Variants in CFHR5 observed in about 807,000 individuals in gnomAD.
The protein encoded by CFHR5 is complement factor H-related protein 5.
A neutral mutation model predicts 62.9 loss-of-function variants in CFHR5; 73 were observed. That is an observed-to-expected ratio of 1.16 (90% CI 0.96 to 1.41). CFHR5 has a LOEUF of 1.41. CFHR5 is among the 40% of genes most tolerant of loss of function. The pLI is 0.00. For synonymous variants in CFHR5, 249 were observed against 227.2 expected (o/e 1.10, Z -0.86); for missense variants, 779 against 679.9 (o/e 1.15, Z -1.62).
intron 7 of CFHR5, among the ~76,000 whole-genome samples, chr1:197,000,317 G>T (rs1055126318): frequency 3.9e-5 from 6 of 152,014 alleles, no homozygotes; most frequent in Non-Finnish European, 1.5e-5. Flanking sequence ...CTCATTTTAT[G>T]CATCAGAAAT....
At chr1:196,996,000 T>G (rs1352648185) in intron 5 of CFHR5, 22 bp from the exon 6 acceptor site, 6 of 1,611,066 alleles carry the variant, frequency 3.7e-6, no homozygotes, top group Non-Finnish European at 5.1e-6. Flanking sequence ...GAGTAAGCAC[T>G]CATTTTATTA....
At chr1:197,004,579 T>G (rs905721897) in intron 8 of CFHR5, 82 bp from the exon 9 acceptor site, 15 of 1,106,426 alleles carry the variant, frequency 1.4e-5, no homozygotes, top group Non-Finnish European at 1.9e-5. Flanking sequence ...CACCTTATAT[T>G]AAAGATATGA....
At chr1:196,992,084 G>T (rs978590315) in intron 3 of CFHR5, among the ~76,000 whole-genome samples, 1 of 152,180 alleles carries the variant, frequency 6.6e-6, no homozygotes. Flanking sequence ...ACCTACTCAA[G>T]CCTCAGCATT....
intron 3 of CFHR5, among the ~76,000 whole-genome samples, chr1:196,987,398 G>A (rs548963190): frequency 1.3e-5 from 2 of 152,022 alleles, no homozygotes; most frequent in African/African-American, 2.4e-5. Context: ...GGCTTTTGTT[G>A]CCATTGCTTT....
At chr1:196,981,632 T>A (rs1015491756) in intron 1 of CFHR5, among the ~76,000 whole-genome samples, 1 of 151,992 alleles carries the variant, frequency 6.6e-6, no homozygotes, top group Non-Finnish European at 1.5e-5. Context: ...TATAAATATA[T>A]CCAGTAGTAT....
In CFHR5 at chr1:197,009,046, T is replaced by C; in HGVS notation, c.*363T>C. Reference sequence around the variant, plus strand: ...TAATATGCTGGAAGGCATCACAACATGGTGGAAGGGATCACGTGGCAAAAG... The same window carrying C: ...TAATATGCTGGAAGGCATCACAACACGGTGGAAGGGATCACGTGGCAAAAG... On this transcript the variant is annotated 3_prime_UTR_variant, in exon 10 of 10. Transcript: ENST00000256785. The C allele has an allele frequency of 5.6e-6, 1 of 178,782 alleles. No homozygotes were observed. Among genetic ancestry groups the C allele is most frequent in the African/African-American group, 2.5e-5 (1 of 40,364 alleles). The allele number at this position is 178,782 out of a possible 1,614,324, so 11.1% of individuals were successfully genotyped here.
At chr1:196,993,107 C>A (rs1653891362) in intron 3 of CFHR5, among the ~76,000 whole-genome samples, 2 of 151,980 alleles carry the variant, frequency 1.3e-5, no homozygotes, top group Admixed American at 1.3e-4. Flanking sequence ...AGAATATATT[C>A]ATAATGAGTT....
intron 3 of CFHR5, among the ~76,000 whole-genome samples, chr1:196,986,633 CT>C (rs1266282643): frequency 6.6e-6 from 1 of 151,776 alleles, no homozygotes; most frequent in African/African-American, 2.4e-5. Flanking sequence ...GTTTTCTGTC[CT>C]TGTGATAGTT....
Position 197,008,537 on chromosome 1 carries a change from A to G in CFHR5, c.1564A>G (p.Lys522Glu). The part of the protein sequence containing the change: ...ENMNKNNIQL[K>E]WRNDGKLYAK... Reference sequence around the variant, plus strand: ...CATGAACAAAAATAACATACAGTTAAAATGGAGAAACGATGGAAAACTCTA... The same window carrying G: ...CATGAACAAAAATAACATACAGTTAGAATGGAGAAACGATGGAAAACTCTA... The change falls in exon 10 of 10, where the codon AAA (lysine) becomes GAA (glutamate). Residue 522 changes from lysine (K) to glutamate (E), a missense_variant. Coordinates refer to ENST00000256785, the MANE Select transcript of CFHR5 (RefSeq NM_030787.4). 1.2e-6 allele frequency: 2 copies of G among 1,613,496 alleles called. No individual in the cohort carries two copies. Among genetic ancestry groups the G allele is most frequent in the Non-Finnish European group, 1.7e-6 (2 of 1,179,594 alleles).
chr1:196,990,512 T>G (rs1219091574), intron 3 of CFHR5, among the ~76,000 whole-genome samples: 2 of 152,274 alleles, frequency 1.3e-5, no homozygotes, highest in East Asian at 3.9e-4. Flanking sequence ...CTGGTACCGG[T>G]TGTTCTTTTT....
intron 1 of CFHR5, among the ~76,000 whole-genome samples, chr1:196,982,394 C>T (rs965189643): frequency 5.9e-5 from 9 of 152,208 alleles, no homozygotes; most frequent in South Asian, 2.1e-4. Context: ...CTCGTCGGTC[C>T]GGCATGGTGG....
Position 197,004,851 on chromosome 1 carries a change from C to A in CFHR5, c.1513+8C>A. 1.9e-6 allele frequency: 3 copies of A among 1,593,366 alleles called. No individual in the cohort carries two copies. The highest frequency in any genetic ancestry group is 2.6e-6 in the Non-Finnish European group (3 of 1,161,396). On this transcript the variant is annotated splice_region_variant and intron_variant, in intron 9 of 9. Coordinates refer to ENST00000256785, the MANE Select transcript of CFHR5 (RefSeq NM_030787.4). ...AACCACCAAGATGCCTAGGTGAGTT[C>A]TTAATATTCTCTTGGAATCTGAGAT...
chr1:196,986,561 C>A (rs903077490), intron 3 of CFHR5, among the ~76,000 whole-genome samples: 5 of 151,984 alleles, frequency 3.3e-5, no homozygotes, highest in African/African-American at 1.2e-4. Context: ...ATGTTCCCCA[C>A]CCTGTGTCCA....
At chr1:197,004,526 C>G in intron 8 of CFHR5, 135 bp from the exon 9 acceptor site, 1 of 739,866 alleles carries the variant, frequency 1.4e-6, no homozygotes, top group Non-Finnish European at 2.3e-6. Flanking sequence ...TTGAATCAGA[C>G]TTTATGACAG....
At chr1:196,978,692 T>C (rs933242860) in intron 1 of CFHR5, among the ~76,000 whole-genome samples, 1 of 152,190 alleles carries the variant, frequency 6.6e-6, no homozygotes, top group Admixed American at 6.5e-5. Flanking sequence ...TTGTTTTCAC[T>C]TTTAGTACTG....
intron 6 of CFHR5, among the ~76,000 whole-genome samples, chr1:196,997,336 G>T (rs372292114): frequency 1.3e-5 from 2 of 152,142 alleles, no homozygotes; most frequent in East Asian, 3.9e-4. Flanking sequence ...CAACTTTTAT[G>T]CAAGGAGTAC....
chr1:196,985,123 T>C (rs764372380), intron 3 of CFHR5, among the ~76,000 whole-genome samples: 1 of 152,200 alleles, frequency 6.6e-6, no homozygotes, highest in Non-Finnish European at 1.5e-5. Flanking sequence ...CTCCATCCTA[T>C]CAAGAAATAG....
chr1:196,990,846 G>A (rs1453164629), intron 3 of CFHR5, among the ~76,000 whole-genome samples: 2 of 152,014 alleles, frequency 1.3e-5, no homozygotes, highest in African/African-American at 4.8e-5. Context: ...ACAATTATGT[G>A]TCCTGCTCTT....
chr1:196,975,820 C>G (rs772299217), upstream of CFHR5, among the ~76,000 whole-genome samples: 19 of 152,080 alleles, frequency 1.2e-4, no homozygotes, highest in Admixed American at 6.5e-5. Context: ...AGGCACAGGG[C>G]AGGTAGAGAA....
Sources: gnomAD v4.1 joint callset for allele counts (sites outside exome capture counted in the v4.1 genomes callset) on GRCh38, gnomAD v4.1.1 for gene constraint, MANE v1.5 for transcripts, NCBI Gene and HGNC (gene_info 2026-07-23, HGNC 2026-07-21) for gene names.